Variants in MYO1A observed in about 807,000 individuals in gnomAD.
MYO1A encodes unconventional myosin-Ia.
MYO1A carries 127 observed loss-of-function variants against 138.5 expected under a neutral mutation model. The observed-to-expected ratio is 0.92, with a 90% CI of 0.79 to 1.06. The LOEUF (loss-of-function observed/expected upper bound fraction) is 1.06. Among genes scored for constraint, MYO1A ranks in the 50% least tolerant of loss-of-function variants. The pLI is 0.00. For missense variants in MYO1A, 1,211 were observed against 1,288.8 expected (o/e 0.94, Z 0.92); for synonymous variants, 477 against 497.5 (o/e 0.96, Z 0.55).
rs202005897 is a variant in MYO1A at position 57,029,462 on chromosome 12, A to G, written c.2850T>C (p.Asp950=). 2.6e-5 allele frequency: 42 copies of G among 1,614,070 alleles called. No homozygotes were observed. The East Asian group carries it at 8.9e-4, about 34-fold the overall frequency. The part of the protein sequence containing the change: ...VAGVSVTSLK[D]GLFSLHLSEM... The stretch of plus-strand genomic sequence containing the variant: ...CACTCAGATGCAAGCTAAAGAGCCC[A>G]TCCTTGAGGCTGGTGACTGACACCC... Residue 950 remains aspartate, a synonymous_variant, in exon 26 of 28, where the codon GAT becomes GAC. Transcript: ENST00000300119.
At chr12:57,038,699 C>T in intron 16 of MYO1A, 61 bp from the exon 17 acceptor site, 1 of 1,608,788 alleles carries the variant, frequency 6.2e-7, no homozygotes, top group African/African-American at 1.3e-5. Context: ...CTTGGCCCTC[C>T]CAGTCTCATT....
At chr12:57,034,880 C>T (rs2030456844) in intron 22 of MYO1A, among the ~76,000 whole-genome samples, 1 of 152,026 alleles carries the variant, frequency 6.6e-6, no homozygotes, top group Admixed American at 6.6e-5. Flanking sequence ...GCAGGATAAT[C>T]ACTTGAACCT....
At position 57,046,567 on chromosome 12, in the gene MYO1A, C is replaced by T; in HGVS notation, c.625G>A (p.Asp209Asn). The stretch of plus-strand genomic sequence containing the variant: ...AGGCACATACTCAGCAGCTGTTCAT[C>T]TGCTCCAGCCAGCAGCTGATAGAAG... ...HIFYQLLAGA[D>N]EQLLKALKLE... The change falls in exon 8 of 28, where the codon GAT becomes AAT. Residue 209 changes from aspartate to asparagine, a missense_variant. Coordinates refer to ENST00000300119, the MANE Select transcript of MYO1A (RefSeq NM_005379.4). 1.2e-6 allele frequency: 2 copies of T among 1,613,882 alleles called. No homozygotes were observed. The highest frequency in any genetic ancestry group is 1.7e-6 in the Non-Finnish European group (2 of 1,179,832).
chr12:57,036,990 C>A lies in MYO1A; in HGVS notation c.2157G>T (p.Leu719=). The A allele has an allele frequency of 6.2e-7, 1 of 1,614,190 alleles. No homozygotes were observed. Among genetic ancestry groups the A allele is most frequent in the South Asian group, 1.1e-5 (1 of 91,084 alleles). The change falls in exon 20 of 28, where the codon CTG becomes CTT. Residue 719 remains leucine (L), a synonymous_variant. Coordinates refer to ENST00000300119, the MANE Select transcript of MYO1A (RefSeq NM_005379.4). Reference sequence around the variant, plus strand: ...AGATGAGGATCTGACTCTTTCGCATCAGTTGGTAGTGGGTGCGGCAGCGCC... The same window carrying A: ...AGATGAGGATCTGACTCTTTCGCATAAGTTGGTAGTGGGTGCGGCAGCGCC... ...RGWRCRTHYQ[L]MRKSQILISS... is the part of the protein sequence containing the mutation.
At chr12:57,038,379 T>C in intron 17 of MYO1A, 33 bp downstream of exon 17, 3 of 1,604,922 alleles carry the variant, frequency 1.9e-6, no homozygotes, top group South Asian at 1.1e-5. Context: ...CCATCACATA[T>C]GTAGCATGTT....
chr12:57,029,644 C>T, intron 25 of MYO1A, 57 bp from the exon 26 acceptor site: 1 of 1,614,024 alleles, frequency 6.2e-7, no homozygotes, highest in Non-Finnish European at 8.5e-7. Context: ...CCCACTCCAC[C>T]TGGCAGGGCG....
Position 57,036,776 on chromosome 12 carries a change from C to T in MYO1A, c.2270G>A (p.Trp757Ter), listed in dbSNP as rs1375435836. Residue 757 changes from tryptophan (W) to a stop codon, truncating the protein, a stop_gained, in exon 21 of 28, where the codon TGG becomes TAG. Transcript: ENST00000300119. LOFTEE classifies it high-confidence loss of function. ...VLLIQAFVRG[W>*]KARKNYRKYF... ...CTCTCTTCCACTCTCCATTACCTTC[C>T]ACCCTCTCACAAAAGCCTGGATCAA... is the stretch of plus-strand genomic sequence containing the variant. 22 of 1,614,190 alleles carry T rather than the reference C, an allele frequency of 1.4e-5. No individual in the cohort carries two copies. Among genetic ancestry groups the T allele is most frequent in the East Asian group, 4.5e-5 (2 of 44,886 alleles).
rs1274912854 is a variant in MYO1A at position 57,043,094 on chromosome 12, T to TTCAC, written c.1072_1075dup (p.Asn359SerfsTer6). Reference sequence around the variant, plus strand: ...TGCCTTGATGCTCTCATTGATTCGATTCACTATCCAGTCAAAGAGGCGGCT... The same window carrying TTCAC: ...TGCCTTGATGCTCTCATTGATTCGATTCACTCACTATCCAGTCAAAGAGGCGGCT... On this transcript the variant is annotated frameshift_variant, in exon 12 of 28. Coordinates refer to ENST00000300119, the MANE Select transcript of MYO1A (RefSeq NM_005379.4). LOFTEE classifies it high-confidence loss of function. The TTCAC allele has an allele frequency of 3.7e-6, 6 of 1,614,148 alleles. No individual in the cohort carries two copies. Among genetic ancestry groups the TTCAC allele is most frequent in the Non-Finnish European group, 5.1e-6 (6 of 1,180,022 alleles).
At chr12:57,030,461 C>T (rs975218099) in intron 23 of MYO1A, 145 bp from the exon 24 acceptor site, 32 of 676,940 alleles carry the variant, frequency 4.7e-5, no homozygotes, top group Admixed American at 7.2e-5. Context: ...AGGGAGAGGC[C>T]GGGGCTGGAG....
rs745424782 is a variant in MYO1A, at chr12:57,048,247, T to G, written c.77A>C (p.Lys26Thr). The G allele has an allele frequency of 6.2e-7, 1 of 1,614,204 alleles. No individual in the cohort carries two copies. The highest frequency in any genetic ancestry group is 1.7e-5 in the Admixed American group (1 of 60,024). ...GTTTTCATAGCGAAGCTGAAGATTC[T>G]TGAGCAGTGACTCCTCCACCAAGGG... The part of the protein sequence containing the change: ...LEPLVEESLL[K>T]NLQLRYENKE... The change falls in exon 2 of 28, where the codon AAG (lysine) becomes ACG (threonine). Residue 26 changes from lysine (K) to threonine (T), a missense_variant. By Grantham distance (78) the Lys-to-Thr change is moderately conservative. Coordinates refer to ENST00000300119, the MANE Select transcript of MYO1A (RefSeq NM_005379.4).
chr12:57,038,744 C>G (rs1416343767), intron 16 of MYO1A, 65 bp downstream of exon 16: 1 of 1,609,750 alleles, frequency 6.2e-7, no homozygotes, highest in Admixed American at 1.7e-5. Context: ...TCCCCGGGTT[C>G]CTCCCCCATT....
chr12:57,044,256 G>A, intron 8 of MYO1A, 47 bp from the exon 9 acceptor site: 1 of 1,498,192 alleles, frequency 6.7e-7, no homozygotes, highest in Non-Finnish European at 9.2e-7. Context: ...CAGGCTCTCT[G>A]GAGCCCTCCA....
chr12:57,043,060 G>A lies in MYO1A; in HGVS notation c.1098+12C>T. The A allele has an allele frequency of 6.2e-7, 1 of 1,613,924 alleles. No homozygotes were observed. The highest frequency in any genetic ancestry group is 8.5e-7 in the Non-Finnish European group (1 of 1,179,810). On this transcript the variant is annotated intron_variant, in intron 12 of 27. Transcript: ENST00000300119. ...GACAGGAGAGCATGGAGAAAGCAGA[G>A]CGGCCACTTGCCTTGATGCTCTCAT...
intron 1 of MYO1A, among the ~76,000 whole-genome samples, chr12:57,048,968 A>G (rs558875881): frequency 6.6e-6 from 1 of 152,374 alleles, no homozygotes; most frequent in Admixed American, 6.5e-5. Context: ...GGATTCCTCC[A>G]TAAGAGATTG....
intron 23 of MYO1A, 105 bp downstream of exon 23, chr12:57,030,935 A>C: frequency 1.4e-6 from 2 of 1,431,598 alleles, no homozygotes; most frequent in Non-Finnish European, 1.9e-6. Context: ...ATTTTACCAC[A>C]ATTTTTTTAA....
rs200448145 is a variant in MYO1A at position 57,029,593 on chromosome 12, G to C, written c.2725-6C>G. The C allele has an allele frequency of 6.2e-7, 1 of 1,614,200 alleles. No individual in the cohort carries two copies. Among genetic ancestry groups the C allele is most frequent in the South Asian group, 1.1e-5 (1 of 91,078 alleles). ...AGGAGAATCCGAGAAGAAGTCTAGG[G>C]ACGGAACAGGCAAGGGTGAGGAAAG... On this transcript the variant is annotated splice_polypyrimidine_tract_variant and splice_region_variant and intron_variant, in intron 25 of 27. Coordinates refer to ENST00000300119, the MANE Select transcript of MYO1A (RefSeq NM_005379.4).
intron 8 of MYO1A, 147 bp from the exon 9 acceptor site, chr12:57,044,356 T>C: frequency 1.4e-6 from 1 of 701,012 alleles, no homozygotes; most frequent in Non-Finnish European, 2.5e-6. Flanking sequence ...CTGCCTCCTT[T>C]GTTTTGGGAT....
intron 14 of MYO1A, chr12:57,039,526 G>A (rs924732713): frequency 7.8e-6 from 4 of 509,916 alleles, no homozygotes; most frequent in Non-Finnish European, 7.2e-6. Flanking sequence ...AGAGATCCCT[G>A]TAGGTGGTGT....
rs2030183275 is a variant in MYO1A, at chr12:57,029,809, C to T, written c.2655G>A (p.Leu885=). ...GLQGNPKLQK[L]KGGEEGPVLM... ...GAACAGGCCCCTCCTCCCCGCCTTT[C>T]AGCTTCTGCAGCTTGGGGTTCCCTT... Residue 885 remains leucine, a synonymous_variant, in exon 25 of 28, where the codon CTG becomes CTA. Transcript: ENST00000300119. 6.2e-7 allele frequency: 1 copy of T among 1,614,248 alleles called. No homozygotes were observed. The highest frequency in any genetic ancestry group is 1.7e-5 in the Admixed American group (1 of 60,030).
Sources: allele counts gnomAD v4.1 joint callset (sites outside exome capture counted in the v4.1 genomes callset), GRCh38; gene constraint gnomAD v4.1.1; transcripts MANE v1.5; gene names NCBI Gene and HGNC (gene_info 2026-07-23, HGNC 2026-07-21).